Variants in GSAP observed in about 807,000 individuals in gnomAD.
The protein encoded by GSAP is gamma-secretase-activating protein.
A neutral mutation model predicts 131.7 loss-of-function variants in GSAP; 118 were observed. That is an observed-to-expected ratio of 0.90 (90% CI 0.77 to 1.04). GSAP has a LOEUF of 1.04. Among genes scored for constraint, GSAP ranks in the 50% least tolerant of loss-of-function variants. The pLI is 0.00. For missense variants in GSAP, 1,019 were observed against 1,013.2 expected (o/e 1.01, Z -0.08); for synonymous variants, 381 against 363.4 (o/e 1.05, Z -0.55).
intron 3 of GSAP, among the ~76,000 whole-genome samples, chr7:77,401,315 C>G (rs1297317516): frequency 6.6e-6 from 1 of 151,094 alleles, no homozygotes; most frequent in Non-Finnish European, 1.5e-5. Context: ...CTTCAGAAAA[C>G]TAAGGAGAAA....
At chr7:77,369,442 G>C (rs897945747) in intron 12 of GSAP, among the ~76,000 whole-genome samples, 15 of 152,114 alleles carry the variant, frequency 9.9e-5, no homozygotes, top group African/African-American at 3.6e-4. Context: ...CTAGTTCCTT[G>C]GAAGACAGCC....
chr7:77,398,171 G>C (rs747379184), intron 3 of GSAP, among the ~76,000 whole-genome samples: 1 of 152,062 alleles, frequency 6.6e-6, no homozygotes, highest in Non-Finnish European at 1.5e-5. Flanking sequence ...GACAGTCTTC[G>C]ACCTCAGAAG....
intron 18 of GSAP, among the ~76,000 whole-genome samples, chr7:77,349,983 C>T (rs1253271766): frequency 3.3e-5 from 5 of 151,920 alleles, no homozygotes; most frequent in South Asian, 4.2e-4. Context: ...ATGTTTATTG[C>T]GGCATTATTC....
rs138759086 is a variant in GSAP at position 77,326,445 on chromosome 7, A to C, written c.1766-172T>G. The C allele has an allele frequency of 2.4e-3, 1,282 of 524,970 alleles. 13 individuals are homozygous for C. The highest frequency in any genetic ancestry group is 0.022 in the African/African-American group (1,161 of 52,096). 32.5% of individuals were successfully genotyped at this position (524,970 alleles called of 1,614,324 possible). A position where few individuals can be genotyped will look rare whatever the true frequency, so the allele number is the denominator to read the frequency against. On this transcript the variant is annotated intron_variant, in intron 22 of 30. Coordinates refer to ENST00000257626, the MANE Select transcript of GSAP (RefSeq NM_017439.4). ...TAGTCCTACAAGGTGAACTTATCAG[A>C]GCTGTGTGAAACAGGGAATGACCGA...
Position 77,382,635 on chromosome 7 carries a change from G to A in GSAP, c.465C>T (p.Tyr155=). ...VDSYIWVQFL[Y]PHIESHPLPE... ...GAAGAGGATGACTTTCAATATGTGGGTAGAGAAACTGTAAAAAAGAAATTA... is the reference window on the plus strand; with the variant it reads ...GAAGAGGATGACTTTCAATATGTGGATAGAGAAACTGTAAAAAAGAAATTA... The change falls in exon 7 of 31, where the codon TAC becomes TAT. Residue 155 remains tyrosine (Y), a synonymous_variant. Coordinates refer to ENST00000257626, the MANE Select transcript of GSAP (RefSeq NM_017439.4). 6.5e-7 allele frequency: 1 copy of A among 1,530,928 alleles called. No homozygotes were observed. The highest frequency in any genetic ancestry group is 9.1e-7 in the Non-Finnish European group (1 of 1,104,470). 94.8% of individuals were successfully genotyped at this position (1,530,928 alleles called of 1,614,324 possible).
chr7:77,356,968 T>C (rs1448614926), intron 14 of GSAP, among the ~76,000 whole-genome samples: 1 of 152,182 alleles, frequency 6.6e-6, no homozygotes, highest in African/African-American at 2.4e-5. Flanking sequence ...GTTGCAATCA[T>C]CTTATTATAG....
chr7:77,341,070 C>T (rs1349911094), intron 19 of GSAP, among the ~76,000 whole-genome samples: 2 of 152,160 alleles, frequency 1.3e-5, no homozygotes, highest in African/African-American at 4.8e-5. Flanking sequence ...GATAATGGTT[C>T]TAAATAGCCA....
chr7:77,376,996 A>G (rs1796993844), intron 9 of GSAP, 89 bp from the exon 10 acceptor site: 1 of 753,746 alleles, frequency 1.3e-6, no homozygotes, highest in Admixed American at 2.6e-5. Flanking sequence ...ATTTCCATCA[A>G]TGAAAATGTA....
rs1003676662 is a variant in GSAP, at chr7:77,412,647, TA to T, written c.109+3565del. Among the ~76,000 whole-genome samples, 6 of 149,590 alleles carry T rather than the reference TA, an allele frequency of 4.0e-5. No individual in the cohort carries two copies. The East Asian group carries it at 5.9e-4, about 15-fold the overall frequency. Reference sequence around the variant, plus strand: ...AAACATAACCCCTAAAATAATCAATTAAAAAAAATAGGAAAGTGGACAAAAG... The same window carrying T: ...AAACATAACCCCTAAAATAATCAATTAAAAAAATAGGAAAGTGGACAAAAG... On this transcript the variant is annotated intron_variant, in intron 1 of 30. Coordinates refer to ENST00000257626, the MANE Select transcript of GSAP (RefSeq NM_017439.4).
At chr7:77,347,654 T>TA (rs1292544958) in intron 19 of GSAP, among the ~76,000 whole-genome samples, 27 of 152,260 alleles carry the variant, frequency 1.8e-4, no homozygotes, top group Non-Finnish European at 3.2e-4. Flanking sequence ...TAAGTTTACA[T>TA]AGCAACATGA....
chr7:77,337,301 T>C (rs949014616), intron 19 of GSAP, among the ~76,000 whole-genome samples: 2 of 65,676 alleles, frequency 3.0e-5, no homozygotes, highest in Non-Finnish European at 6.7e-5. Flanking sequence ...GGGGGTGGGG[T>C]GGGGGGGGGG....
At chr7:77,413,117 G>C (rs1803586322) in intron 1 of GSAP, among the ~76,000 whole-genome samples, 1 of 152,198 alleles carries the variant, frequency 6.6e-6, no homozygotes, top group African/African-American at 2.4e-5. Context: ...TACCCAGTAT[G>C]TTCATCAGGG....
intron 1 of GSAP, among the ~76,000 whole-genome samples, chr7:77,410,559 T>G (rs948840041): frequency 6.6e-6 from 1 of 152,206 alleles, no homozygotes; most frequent in Non-Finnish European, 1.5e-5. Context: ...TGATAGATAC[T>G]TGCATAGGTA....
chr7:77,347,913 A>G (rs1486506447), intron 19 of GSAP, among the ~76,000 whole-genome samples: 1 of 151,588 alleles, frequency 6.6e-6, no homozygotes, highest in South Asian at 2.1e-4. Context: ...GCACTCTAAG[A>G]GGCTAAGGCA....
At position 77,330,414 on chromosome 7, in the gene GSAP, G is replaced by A. The variant is rs3750044; in HGVS notation, c.1546-47C>T. ...GTGGCCTTCAGAGGCAGGCCCAGTG[G>A]CCCAAACCACCCAGTGAGTATTACA... On this transcript the variant is annotated intron_variant, in intron 19 of 30. Transcript: ENST00000257626. The A allele has an allele frequency of 2.5e-6, 4 of 1,598,932 alleles. No homozygotes were observed. The Admixed American group carries it at 5.1e-5, about 20-fold the overall frequency.
chr7:77,407,089 G>A (rs910287069), intron 1 of GSAP, among the ~76,000 whole-genome samples: 7 of 152,132 alleles, frequency 4.6e-5, no homozygotes, highest in Admixed American at 2.0e-4. Flanking sequence ...ACACCAAGTC[G>A]GATTTGGGGA....
chr7:77,406,268 T>TA (rs1304666039), intron 1 of GSAP, among the ~76,000 whole-genome samples, 163 bp from the exon 2 acceptor site: 2 of 152,170 alleles, frequency 1.3e-5, no homozygotes, highest in Non-Finnish European at 2.9e-5. Context: ...GTACAAACAG[T>TA]AGTAACCTTT....
At chr7:77,366,117 T>C (rs557229622) in intron 12 of GSAP, among the ~76,000 whole-genome samples, 1 of 152,190 alleles carries the variant, frequency 6.6e-6, no homozygotes, top group East Asian at 1.9e-4. Context: ...TTAAGTACCT[T>C]GTAGATGCTG....
chr7:77,330,321 T>A lies in GSAP; in HGVS notation c.1592A>T (p.Glu531Val). Residue 531 changes from glutamate (E) to valine (V), a missense_variant, in exon 20 of 31, where the codon GAA becomes GTA. Physicochemically the swap from Glu to Val is moderately radical, Grantham distance 121. Coordinates refer to ENST00000257626, the MANE Select transcript of GSAP (RefSeq NM_017439.4). ...GTGTGGCTTGGCGTACTTAACATAT[T>A]CTAGGTTGGAGTTCAGTTTTTCCCA... ...GYWEKLNSNL[E>V]YVKYAKPHFH... The A allele has an allele frequency of 6.2e-7, 1 of 1,613,940 alleles. No homozygotes were observed. The highest frequency in any genetic ancestry group is 8.5e-7 in the Non-Finnish European group (1 of 1,179,900).
Sources: allele counts gnomAD v4.1 joint callset (sites outside exome capture counted in the v4.1 genomes callset), GRCh38; gene constraint gnomAD v4.1.1; transcripts MANE v1.5; gene names NCBI Gene and HGNC (gene_info 2026-07-23, HGNC 2026-07-21).